ROBO1: variants seen among roughly 807,000 people sequenced by gnomAD.
The protein encoded by ROBO1 is roundabout homolog 1.
A neutral mutation model predicts 195.9 loss-of-function variants in ROBO1; 149 were observed. The observed-to-expected ratio is 0.76, with a 90% CI of 0.67 to 0.87. ROBO1 has a LOEUF of 0.87. ROBO1 is among the 40% of genes least tolerant of loss of function. ROBO1 has a pLI of 0.00. For missense variants in ROBO1, 1,933 were observed against 2,068.3 expected (o/e 0.93, Z 1.27); for synonymous variants, 816 against 733.2 (o/e 1.11, Z -1.82).
chr3:79,237,836 A>G (rs1010268437), intron 2 of ROBO1, among the ~76,000 whole-genome samples: 2 of 152,236 alleles, frequency 1.3e-5, no homozygotes, highest in Non-Finnish European at 2.9e-5. Context: ...AATTTCAGTC[A>G]TGGTCACACC....
At chr3:79,424,709 A>G (rs2106962129) in intron 2 of ROBO1, among the ~76,000 whole-genome samples, 1 of 152,254 alleles carries the variant, frequency 6.6e-6, no homozygotes, top group African/African-American at 2.4e-5. Context: ...AATATTAAGA[A>G]GCAATGTATT....
intron 2 of ROBO1, among the ~76,000 whole-genome samples, chr3:79,222,141 CTTCTT>C (rs2082151755): frequency 6.6e-6 from 1 of 152,046 alleles, no homozygotes; most frequent in Non-Finnish European, 1.5e-5. Flanking sequence ...ACCATCTTCT[CTTCTT>C]ATCTCTTTCC....
At chr3:79,567,923 C>T (rs954577960) in intron 2 of ROBO1, among the ~76,000 whole-genome samples, 14 of 152,140 alleles carry the variant, frequency 9.2e-5, no homozygotes, top group Middle Eastern at 3.4e-3. Context: ...TCAAATATTG[C>T]TTTCTAAAAA....
chr3:79,659,121 C>G (rs1418525414), intron 1 of ROBO1, among the ~76,000 whole-genome samples: 4 of 152,040 alleles, frequency 2.6e-5, no homozygotes, highest in Non-Finnish European at 5.9e-5. Flanking sequence ...ATAATCGACA[C>G]ATATCAAAGC....
At position 79,676,565 on chromosome 3, in the gene ROBO1, G is replaced by A. The variant is rs77029615; in HGVS notation, c.-50-86604C>T. Among the ~76,000 whole-genome samples the A allele has an allele frequency of 8.7e-3, 1,320 of 152,016 alleles. 13 individuals carry two copies. Among genetic ancestry groups the A allele is most frequent in the Admixed American group, 0.012 (178 of 15,252 alleles). On this transcript the variant is annotated intron_variant, in intron 1 of 30. Coordinates refer to ENST00000464233, the MANE Select transcript of ROBO1 (RefSeq NM_002941.4). ...AACTCTGGTTTCTTAAGAGTTTCTC[G>A]GCTGACTATTGTTAGGTTGCTCCTA...
chr3:78,632,208 C>A (rs1705226636), intron 24 of ROBO1, among the ~76,000 whole-genome samples: 1 of 152,108 alleles, frequency 6.6e-6, no homozygotes, highest in Admixed American at 6.6e-5. Flanking sequence ...AGTTTTTTAA[C>A]CCTATCCAAT....
At chr3:79,718,055 C>T (rs1409613281) in intron 1 of ROBO1, among the ~76,000 whole-genome samples, 3 of 151,862 alleles carry the variant, frequency 2.0e-5, no homozygotes, top group Non-Finnish European at 2.9e-5. Context: ...ATAGTGTCAA[C>T]GGAGTTTCAG....
At chr3:79,724,378 GC>G (rs1445320610) in intron 1 of ROBO1, among the ~76,000 whole-genome samples, 2 of 152,174 alleles carry the variant, frequency 1.3e-5, no homozygotes, top group Non-Finnish European at 2.9e-5. Flanking sequence ...GATATTCGCT[GC>G]CCCCTGGTGT....
chr3:79,526,070 T>C (rs1043342855), intron 2 of ROBO1, among the ~76,000 whole-genome samples: 4 of 152,196 alleles, frequency 2.6e-5, no homozygotes, highest in Non-Finnish European at 4.4e-5. Context: ...AAAATTCAAG[T>C]CCCTTAGACA....
chr3:78,860,579 A>ACTAGTAACTAGTTACTTAAAT (rs2034771314), intron 4 of ROBO1, among the ~76,000 whole-genome samples: 1 of 152,048 alleles, frequency 6.6e-6, no homozygotes, highest in Admixed American at 6.6e-5. Context: ...CCTCAATGTA[A>ACTAGTAACTAGTTACTTAAAT]GTAACTAGTC....
chr3:78,843,097 T>C (rs2033385078), intron 4 of ROBO1, among the ~76,000 whole-genome samples: 1 of 152,144 alleles, frequency 6.6e-6, no homozygotes, highest in Non-Finnish European at 1.5e-5. Context: ...AGCATGTATT[T>C]GTTTTATGTG....
chr3:79,370,689 T>C (rs1466827913), intron 2 of ROBO1, among the ~76,000 whole-genome samples: 1 of 151,428 alleles, frequency 6.6e-6, no homozygotes, highest in Non-Finnish European at 1.5e-5. Flanking sequence ...ATATATTATT[T>C]AAGTTCTGGG....
rs1706270519 is a variant in ROBO1 at position 78,646,152 on chromosome 3, C to T, written c.2878G>A (p.Gly960Arg). 6.2e-7 allele frequency: 1 copy of T among 1,607,156 alleles called. No individual in the cohort carries two copies. Among genetic ancestry groups the T allele is most frequent in the Non-Finnish European group, 8.5e-7 (1 of 1,175,264 alleles). ...QRGGEAVSSG[G>R]RPGLLNISEP... ...CAAAACAAGCAAGATAATTACCTCC[C>T]TCCACTGCTGACAGCTTCGCCTCCT... is the stretch of plus-strand genomic sequence containing the variant. Residue 960 changes from glycine to arginine, a missense_variant, in exon 21 of 31, where the codon GGG becomes AGG. Around this residue, in one of 3 missense-constraint regions of ROBO1, gnomAD observed 1,737 missense variants for 1,882.5 expected, o/e 0.92. Coordinates refer to ENST00000464233, the MANE Select transcript of ROBO1 (RefSeq NM_002941.4).
chr3:79,245,397 A>G (rs1353497967), intron 2 of ROBO1, among the ~76,000 whole-genome samples: 1 of 152,100 alleles, frequency 6.6e-6, no homozygotes, highest in Non-Finnish European at 1.5e-5. Context: ...TAGACATTAT[A>G]AAGTCAAACA....
At position 78,685,891 on chromosome 3, in the gene ROBO1, T is replaced by C. The variant is rs769738829; in HGVS notation, c.1197A>G (p.Pro399=). Residue 399 remains proline (P), a synonymous_variant, in exon 10 of 31, where the codon CCA becomes CCG. Transcript: ENST00000464233. ...SQNLLFSYQP[P]QSSSRFSVSQ... ...AGACTGAAAATCGGCTGGATGACTG[T>C]GGTGGTTGATATGAGAAAAGTAGAT... 4 of 1,601,138 alleles carry C rather than the reference T, an allele frequency of 2.5e-6. No homozygotes were observed. The highest frequency in any genetic ancestry group is 3.4e-6 in the Non-Finnish European group (4 of 1,172,408).
At chr3:78,621,492 T>G (rs1446113990) in intron 26 of ROBO1, among the ~76,000 whole-genome samples, 1 of 152,222 alleles carries the variant, frequency 6.6e-6, no homozygotes, top group East Asian at 1.9e-4. Context: ...GGCTGGCTTT[T>G]AACTACAACC....
chr3:79,230,663 T>C lies in ROBO1; in HGVS notation c.89-105124A>G, dbSNP rs150077242. The stretch of plus-strand genomic sequence containing the variant: ...TGCTCATGGATAGGAAGAATCAATG[T>C]TGTTAAAATACTACTGCTGAAAGCA... On this transcript the variant is annotated intron_variant, in intron 2 of 30. Coordinates refer to ENST00000464233, the MANE Select transcript of ROBO1 (RefSeq NM_002941.4). Among the ~76,000 whole-genome samples, 1,131 of 152,174 alleles carry C rather than the reference T, an allele frequency of 7.4e-3. 7 individuals are homozygous for C. The highest frequency in any genetic ancestry group is 0.012 in the Non-Finnish European group (786 of 68,008).
intron 2 of ROBO1, among the ~76,000 whole-genome samples, chr3:79,533,621 A>G (rs1941742732): frequency 6.6e-6 from 1 of 152,174 alleles, no homozygotes; most frequent in South Asian, 2.1e-4. Context: ...TTAAGTGCAT[A>G]AAATGATTCT....
intron 5 of ROBO1, among the ~76,000 whole-genome samples, chr3:78,733,615 AT>A (rs2082330039): frequency 6.6e-6 from 1 of 152,220 alleles, no homozygotes; most frequent in Admixed American, 6.5e-5. Context: ...CTAAAACTAT[AT>A]TTTAGAGAAA....
Sources: allele counts gnomAD v4.1 joint callset (sites outside exome capture counted in the v4.1 genomes callset), GRCh38; gene constraint gnomAD v4.1.1; regional missense constraint gnomAD v4.1.1; transcripts MANE v1.5; gene names NCBI Gene and HGNC (gene_info 2026-07-23, HGNC 2026-07-21).